Variants in ATP10B observed in about 807,000 individuals in gnomAD.
The protein encoded by ATP10B is phospholipid-transporting ATPase VB.
Under a neutral mutation model 141.2 loss-of-function variants are expected in ATP10B, and 122 were observed. The observed-to-expected ratio is 0.86, with a 90% CI of 0.75 to 1.00. ATP10B has a LOEUF of 1.00. ATP10B is among the 50% of genes least tolerant of loss of function. ATP10B has a pLI of 0.00. For synonymous variants in ATP10B, 685 were observed against 692.0 expected (o/e 0.99, Z 0.16); for missense variants, 1,876 against 1,825.3 (o/e 1.03, Z -0.51).
At chr5:160,577,590 A>C (rs1755275746) in intron 24 of ATP10B, among the ~76,000 whole-genome samples, 1 of 152,158 alleles carries the variant, frequency 6.6e-6, no homozygotes, top group Non-Finnish European at 1.5e-5. Flanking sequence ...GTTGGTACAT[A>C]AGTAATCGTG....
Position 160,665,014 on chromosome 5 carries a change from C to A in ATP10B, c.675+5449G>T, listed in dbSNP as rs191006267. Among the ~76,000 whole-genome samples, 777 of 152,280 alleles carry A rather than the reference C, an allele frequency of 5.1e-3. 2 individuals carry two copies. Among genetic ancestry groups the A allele is most frequent in the Non-Finnish European group, 9.0e-3 (613 of 68,014 alleles). On this transcript the variant is annotated intron_variant, in intron 7 of 25. Transcript: ENST00000327245. ...TTCTCTAATAAAGTCCTCTTGCCAG[C>A]TGGACAGGTTTTTAGCAAATCCTAA...
chr5:160,815,925 C>G (rs185045202), intron 1 of ATP10B, among the ~76,000 whole-genome samples: 1 of 151,916 alleles, frequency 6.6e-6, no homozygotes, highest in Non-Finnish European at 1.5e-5. Flanking sequence ...GGGTACATAA[C>G]GAAATGAAGG....
At position 160,649,367 on chromosome 5, in the gene ATP10B, C is replaced by T. The variant is rs1760539615; in HGVS notation, c.676-111G>A. ...ACCATTGCAAATAAGGTAATCCATG[C>T]TTTGTCACACTTTGATAGTTGTAAT... On this transcript the variant is annotated intron_variant, in intron 7 of 25. Coordinates refer to ENST00000327245, the MANE Select transcript of ATP10B (RefSeq NM_025153.3). 7 of 725,912 alleles carry T rather than the reference C, an allele frequency of 9.6e-6. No individual in the cohort carries two copies. In the South Asian group the frequency reaches 1.4e-4, roughly 14 times the overall value. The allele number at this position is 725,912 out of a possible 1,614,324, so 45.0% of individuals were successfully genotyped here.
intron 2 of ATP10B, among the ~76,000 whole-genome samples, chr5:160,761,964 G>A (rs1186307692): frequency 6.6e-6 from 1 of 152,130 alleles, no homozygotes; most frequent in Non-Finnish European, 1.5e-5. Context: ...AATTAAACAA[G>A]TAGAAGAAAA....
intron 2 of ATP10B, among the ~76,000 whole-genome samples, chr5:160,769,919 G>C (rs1769760272): frequency 6.6e-6 from 1 of 152,092 alleles, no homozygotes; most frequent in Admixed American, 6.6e-5. Context: ...TGCCCGAAGG[G>C]GATGCCATGT....
chr5:160,598,635 A>G, intron 22 of ATP10B, 135 bp downstream of exon 22: 1 of 795,364 alleles, frequency 1.3e-6, no homozygotes, highest in South Asian at 1.7e-5. Flanking sequence ...AGTTACTCAA[A>G]GTAAATGATG....
chr5:160,644,522 G>A (rs1760135027), intron 8 of ATP10B, among the ~76,000 whole-genome samples: 2 of 152,122 alleles, frequency 1.3e-5, no homozygotes, highest in African/African-American at 2.4e-5. Flanking sequence ...GAACTCTGGT[G>A]AAAAAGCCTT....
the ATP10B span, among the ~76,000 whole-genome samples, chr5:160,891,583 G>A: frequency 5.9e-5 from 9 of 152,254 alleles, no homozygotes; most frequent in East Asian, 5.8e-4. Flanking sequence ...GACTATAGGC[G>A]TGAGCCACCA....
chr5:160,790,012 G>C (rs1436837814), intron 1 of ATP10B, among the ~76,000 whole-genome samples: 2 of 152,062 alleles, frequency 1.3e-5, no homozygotes, highest in Non-Finnish European at 2.9e-5. Flanking sequence ...CTGTCCCAGG[G>C]ACCTAACACT....
chr5:160,873,676 C>A, the ATP10B span, among the ~76,000 whole-genome samples: 1 of 152,156 alleles, frequency 6.6e-6, no homozygotes, highest in Non-Finnish European at 1.5e-5. Flanking sequence ...AGTGGGTGCA[C>A]GCACTGTGCG....
chr5:160,667,272 A>G (rs913691745), intron 7 of ATP10B, among the ~76,000 whole-genome samples: 3 of 152,142 alleles, frequency 2.0e-5, no homozygotes, highest in Non-Finnish European at 2.9e-5. Flanking sequence ...GCTCTGGACA[A>G]ACCTGGCTTT....
chr5:160,652,125 C>T (rs1366604752), intron 7 of ATP10B, among the ~76,000 whole-genome samples: 1 of 152,166 alleles, frequency 6.6e-6, no homozygotes, highest in African/African-American at 2.4e-5. Flanking sequence ...TCCTAGCCAC[C>T]TCCCTCCTGA....
At chr5:160,872,617 T>C in the ATP10B span, among the ~76,000 whole-genome samples, 1 of 152,216 alleles carries the variant, frequency 6.6e-6, no homozygotes, top group Non-Finnish European at 1.5e-5. Flanking sequence ...CCTAGCACCA[T>C]TTGTTGAAAA....
chr5:160,863,005 CAT>C, the ATP10B span, among the ~76,000 whole-genome samples: 3 of 151,916 alleles, frequency 2.0e-5, no homozygotes, highest in Admixed American at 2.0e-4. Flanking sequence ...TGTAATTTAA[CAT>C]AGACAGATAT....
chr5:160,821,533 A>G (rs903781144), intron 1 of ATP10B, among the ~76,000 whole-genome samples: 3 of 152,130 alleles, frequency 2.0e-5, no homozygotes, highest in Non-Finnish European at 4.4e-5. Context: ...ATAAGGAACC[A>G]TAAAAGACCC....
At chr5:160,572,197 TC>T (rs1554090958) in intron 24 of ATP10B, among the ~76,000 whole-genome samples, 4 of 151,406 alleles carry the variant, frequency 2.6e-5, no homozygotes, top group Non-Finnish European at 5.9e-5. Context: ...AGTTTTTTTT[TC>T]CCCTTTTTTA....
At chr5:160,757,171 T>A (rs1314953168) in intron 2 of ATP10B, among the ~76,000 whole-genome samples, 1 of 152,222 alleles carries the variant, frequency 6.6e-6, no homozygotes. Context: ...ACTATTCAAT[T>A]GTTTCAACAT....
intron 23 of ATP10B, among the ~76,000 whole-genome samples, chr5:160,590,640 A>G (rs1756227594): frequency 6.6e-6 from 1 of 152,160 alleles, no homozygotes; most frequent in Non-Finnish European, 1.5e-5. Context: ...TTCAAAGCAC[A>G]AGTGTATATA....
At chr5:160,863,298 G>T in the ATP10B span, among the ~76,000 whole-genome samples, 3 of 151,902 alleles carry the variant, frequency 2.0e-5, no homozygotes, top group African/African-American at 7.2e-5. Context: ...ACAGAAAGGT[G>T]AAAGGGAAGA....
Sources: allele counts gnomAD v4.1 joint callset (sites outside exome capture counted in the v4.1 genomes callset), GRCh38; gene constraint gnomAD v4.1.1; transcripts MANE v1.5; gene names NCBI Gene and HGNC (gene_info 2026-07-23, HGNC 2026-07-21).